The following GPAM variants were observed in gnomAD, a reference collection of about 807,000 sequenced individuals.
GPAM encodes the protein glycerol-3-phosphate acyltransferase 1, mitochondrial.
Under a neutral mutation model 105.0 loss-of-function variants are expected in GPAM, and 56 were observed. That is an observed-to-expected ratio of 0.53 (90% CI 0.43 to 0.67). The LOEUF is 0.67. Ranked by LOEUF, GPAM falls within the 30% of genes least tolerant of loss-of-function variation. The probability of loss-of-function intolerance (pLI) is 0.00; values close to 1 mark genes in which losing one functional copy is unlikely to be tolerated. For missense variants in GPAM, 855 were observed against 989.8 expected (o/e 0.86, Z 1.83); for synonymous variants, 368 against 354.4 (o/e 1.04, Z -0.43).
chr10:112,154,774 G>A, intron 20 of GPAM, 87 bp from the exon 21 acceptor site: 1 of 1,068,732 alleles, frequency 9.4e-7, no homozygotes, highest in East Asian at 2.5e-5. Context: ...AGTATGGGGA[G>A]CTAGGAAGAG....
upstream of GPAM, among the ~76,000 whole-genome samples, chr10:112,217,343 T>A (rs1258686411): frequency 6.6e-6 from 1 of 152,170 alleles, no homozygotes; most frequent in Non-Finnish European, 1.5e-5. Flanking sequence ...TATTGATGAA[T>A]AATATTACAT....
chr10:112,173,849 G>C lies in GPAM; in HGVS notation c.414-4C>G. 1.2e-6 allele frequency: 2 copies of C among 1,607,288 alleles called. No homozygotes were observed. Among genetic ancestry groups the C allele is most frequent in the Non-Finnish European group, 1.7e-6 (2 of 1,173,838 alleles). On this transcript the variant is annotated splice_region_variant and splice_polypyrimidine_tract_variant and intron_variant, in intron 6 of 21. Transcript: ENST00000348367. ...TTCTGCAATTGCCTCTTGTACTCTG[G>C]TATGAAAATGGAAAAAGAGACAATG...
chr10:112,153,368 G>GC lies in GPAM; in HGVS notation c.*181_*182insG. 3 of 1,539,880 alleles carry GC rather than the reference G, an allele frequency of 1.9e-6. No individual in the cohort carries two copies. Among genetic ancestry groups the GC allele is most frequent in the Non-Finnish European group, 2.6e-6 (3 of 1,149,314 alleles). On this transcript the variant is annotated 3_prime_UTR_variant, in exon 22 of 22. Coordinates refer to ENST00000348367, the MANE Select transcript of GPAM (RefSeq NM_001244949.2). ...CCAAGTGTTATCTGCAGGCTGCTGT[G>GC]TTGATGCAGAGCTGGGAAGATCACA...
In GPAM at chr10:112,150,586, T is replaced by C. The variant is rs1361808090; in HGVS notation, c.*2964A>G. On this transcript the variant is annotated 3_prime_UTR_variant, in exon 22 of 22. Transcript: ENST00000348367. ...CTATCTAACATAGTGTTTCCCAAAA[T>C]GTTCTCCACAGGACATTAGTGAGAG... is the stretch of plus-strand genomic sequence containing the variant. The C allele has an allele frequency of 1.0e-6, 1 of 976,298 alleles. No individual in the cohort carries two copies. Among genetic ancestry groups the C allele is most frequent in the Non-Finnish European group, 1.2e-6 (1 of 821,530 alleles). 60.5% of individuals were successfully genotyped at this position (976,298 alleles called of 1,614,324 possible).
chr10:112,173,651 A>C, intron 7 of GPAM, 48 bp downstream of exon 7: 1 of 1,588,118 alleles, frequency 6.3e-7, no homozygotes, highest in Non-Finnish European at 8.6e-7. Context: ...TTATTTGCTC[A>C]AATCAGCATG....
At chr10:112,193,168 G>T (rs1282344252) in intron 1 of GPAM, among the ~76,000 whole-genome samples, 1 of 152,114 alleles carries the variant, frequency 6.6e-6, no homozygotes, top group East Asian at 1.9e-4. Context: ...AAAAGTAGAA[G>T]GGTGAGGCCC....
intron 19 of GPAM, chr10:112,156,668 C>T (rs2133226439): frequency 6.0e-6 from 1 of 166,998 alleles, no homozygotes; most frequent in African/African-American, 2.4e-5. Context: ...AAACTAATAC[C>T]ACCCAAGTGA....
At position 112,153,123 on chromosome 10, in the gene GPAM, A is replaced by T. The variant is rs192436212; in HGVS notation, c.*427T>A. ...TCAATTATTTTTAAAGGAAGCATTAACCACTAACCAGATAATATACCAACA... is the reference window on the plus strand; with the variant it reads ...TCAATTATTTTTAAAGGAAGCATTATCCACTAACCAGATAATATACCAACA... On this transcript the variant is annotated 3_prime_UTR_variant, in exon 22 of 22. Transcript: ENST00000348367. 63 of 1,011,988 alleles carry T rather than the reference A, an allele frequency of 6.2e-5. No individual in the cohort carries two copies. In the African/African-American group the frequency reaches 1.1e-3, roughly 17 times the overall value. The allele number at this position is 1,011,988 out of a possible 1,614,324, so 62.7% of individuals were successfully genotyped here.
intron 19 of GPAM, 38 bp downstream of exon 19, chr10:112,157,211 A>T: frequency 6.3e-7 from 1 of 1,583,048 alleles, no homozygotes; most frequent in Non-Finnish European, 8.7e-7. Context: ...ACCTCAACAT[A>T]TCCCTGTAAT....
At chr10:112,160,291 T>G (rs1447911004) in intron 16 of GPAM, 1 of 648,574 alleles carries the variant, frequency 1.5e-6, no homozygotes, top group African/African-American at 2.0e-5. Flanking sequence ...TTTCTCTTAA[T>G]CACAAATGAG....
Position 112,150,732 on chromosome 10 carries a change from T to TGCAATGCAC in GPAM, c.*2817_*2818insGTGCATTGC. ...TTACTGCGCTAAAGTGCATTGTAAG[T>TGCAATGCAC]TTCCAGGTGCAAACTTGGTTTCCCA... On this transcript the variant is annotated 3_prime_UTR_variant, in exon 22 of 22. Coordinates refer to ENST00000348367, the MANE Select transcript of GPAM (RefSeq NM_001244949.2). The TGCAATGCAC allele has an allele frequency of 1.0e-6, 1 of 983,840 alleles. No homozygotes were observed. The highest frequency in any genetic ancestry group is 1.2e-6 in the Non-Finnish European group (1 of 828,502). 60.9% of individuals were successfully genotyped at this position (983,840 alleles called of 1,614,324 possible). A position where few individuals can be genotyped will look rare whatever the true frequency, so the allele number is the denominator to read the frequency against.
At chr10:112,185,593 C>T (rs867206252), upstream of GPAM, among the ~76,000 whole-genome samples, 1 of 143,728 alleles carries the variant, frequency 7.0e-6, no homozygotes, top group Non-Finnish European at 1.5e-5. Context: ...CACACACACA[C>T]ACACACACAC....
At chr10:112,185,652 G>T (rs1290289539), upstream of GPAM, among the ~76,000 whole-genome samples, 3 of 150,248 alleles carry the variant, frequency 2.0e-5, no homozygotes, top group African/African-American at 7.4e-5. Flanking sequence ...AAAAGAAACA[G>T]TAAAAAACCT....
At chr10:112,193,520 G>A (rs764412827) in intron 1 of GPAM, among the ~76,000 whole-genome samples, 42 of 152,162 alleles carry the variant, frequency 2.8e-4, no homozygotes, top group African/African-American at 9.4e-4. Context: ...TGATGGGCCC[G>A]TCCTCTCAAT....
At chr10:112,194,853 C>A (rs1372167700) in intron 1 of GPAM, among the ~76,000 whole-genome samples, 1 of 152,172 alleles carries the variant, frequency 6.6e-6, no homozygotes, top group East Asian at 1.9e-4. Context: ...TCACTTCATA[C>A]CATCTCCTCA....
chr10:112,155,836 T>TAAA, intron 20 of GPAM, 28 bp downstream of exon 20: 1 of 1,417,982 alleles, frequency 7.1e-7, no homozygotes. Context: ...AAAAAGATTT[T>TAAA]AAAAGAATAA....
intron 9 of GPAM, among the ~76,000 whole-genome samples, chr10:112,169,458 C>G (rs755608483): frequency 4.6e-5 from 7 of 152,082 alleles, no homozygotes; most frequent in African/African-American, 7.2e-5. Flanking sequence ...CAACTGAAAC[C>G]AAGCATAACC....
chr10:112,156,297 G>A (rs767552647), intron 19 of GPAM: 28 of 521,846 alleles, frequency 5.4e-5, no homozygotes, highest in Non-Finnish European at 9.0e-5. Context: ...TGTGTTCATT[G>A]AACAGCCACC....
At chr10:112,226,595 T>C in the GPAM span, among the ~76,000 whole-genome samples, 1 of 152,106 alleles carries the variant, frequency 6.6e-6, no homozygotes, top group African/African-American at 2.4e-5. Flanking sequence ...AACACTAGTA[T>C]GGAAGCTGCA....
Sources: allele counts gnomAD v4.1 joint callset (sites outside exome capture counted in the v4.1 genomes callset), GRCh38; gene constraint gnomAD v4.1.1; transcripts MANE v1.5; gene names NCBI Gene and HGNC (gene_info 2026-07-23, HGNC 2026-07-21).